The following USP31 variants were observed in gnomAD, a reference collection of about 807,000 sequenced individuals.
USP31 encodes ubiquitin specific peptidase 31.
A neutral mutation model predicts 119.4 loss-of-function variants in USP31; 44 were observed. That is an observed-to-expected ratio of 0.37 (90% CI 0.29 to 0.47). The LOEUF (loss-of-function observed/expected upper bound fraction) is 0.47, where lower values mean the gene tolerates loss of function less well. USP31 is among the 20% of genes least tolerant of loss of function. The pLI is 0.99. For synonymous variants in USP31, 749 were observed against 705.6 expected (o/e 1.06, Z -0.97); for missense variants, 1,643 against 1,730.2 (o/e 0.95, Z 0.89).
In USP31 at chr16:23,067,096, T is replaced by A. The variant is rs1448498672; in HGVS notation, c.*950A>T. On this transcript the variant is annotated 3_prime_UTR_variant, in exon 16 of 16. Coordinates refer to ENST00000219689, the MANE Select transcript of USP31 (RefSeq NM_020718.4). ...ACCTCTAACGGAAAAATGCAACACC[T>A]GACAAGGAAAATGATGTCCAGTCTT... 2 of 152,424 alleles carry A rather than the reference T, an allele frequency of 1.3e-5. No homozygotes were observed. The highest frequency in any genetic ancestry group is 2.9e-5 in the Non-Finnish European group (2 of 68,040). The allele number at this position is 152,424 out of a possible 1,614,324, so 9.4% of individuals were successfully genotyped here.
chr16:23,100,835 G>A (rs1901820966), intron 6 of USP31, among the ~76,000 whole-genome samples: 1 of 152,160 alleles, frequency 6.6e-6, no homozygotes, highest in African/African-American at 2.4e-5. Context: ...AACAAAGCAG[G>A]AGCTAACGAG....
chr16:23,136,383 C>T (rs1035957380), intron 1 of USP31, among the ~76,000 whole-genome samples: 1 of 152,090 alleles, frequency 6.6e-6, no homozygotes, highest in Non-Finnish European at 1.5e-5. Context: ...CTGGGCACGG[C>T]GGCTCACACC....
chr16:23,076,574 T>TG (rs1049993933), intron 13 of USP31, among the ~76,000 whole-genome samples: 97 of 152,326 alleles, frequency 6.4e-4, no homozygotes, highest in Middle Eastern at 3.4e-3. Context: ...AAGATGTGTC[T>TG]GGCTTCTAAC....
rs12102846 is a variant in USP31 at position 23,146,925 on chromosome 16, T to G, written c.633+1713A>C. Among the ~76,000 whole-genome samples, 1,391 of 151,088 alleles carry G rather than the reference T, an allele frequency of 9.2e-3. 16 individuals are homozygous for G. Among genetic ancestry groups the G allele is most frequent in the African/African-American group, 0.029 (1,205 of 41,046 alleles). On this transcript the variant is annotated intron_variant, in intron 1 of 15. Transcript: ENST00000219689. ...CATAACCTTATTAAATTCTAGCTAC[T>G]GTTACCTGCCAATGCTTCTAGACTT...
chr16:23,136,412 G>C (rs968807799), intron 1 of USP31, among the ~76,000 whole-genome samples: 5 of 152,194 alleles, frequency 3.3e-5, no homozygotes, highest in Admixed American at 1.3e-4. Context: ...CAGCACTCTG[G>C]GAGGCCGAGG....
intron 1 of USP31, among the ~76,000 whole-genome samples, chr16:23,113,029 A>C (rs550407149): frequency 1.1e-4 from 16 of 144,808 alleles, no homozygotes; most frequent in South Asian, 6.7e-4. Context: ...ACTCCGTCCC[A>C]AAAAAAAAAA....
chr16:23,085,572 T>C lies in USP31; in HGVS notation c.1700+13A>G. The C allele has an allele frequency of 1.2e-6, 2 of 1,609,654 alleles. No individual in the cohort carries two copies. Among genetic ancestry groups the C allele is most frequent in the Non-Finnish European group, 1.7e-6 (2 of 1,177,020 alleles). ...ACAATGTTTCTATAAACACTAACTT[T>C]AAAAATACTCACAAATCTCTTGTCT... On this transcript the variant is annotated intron_variant, in intron 10 of 15. Transcript: ENST00000219689.
At chr16:23,088,901 C>T (rs1048318780) in intron 7 of USP31, among the ~76,000 whole-genome samples, 16 of 152,132 alleles carry the variant, frequency 1.1e-4, no homozygotes, top group African/African-American at 3.6e-4. Context: ...CTGACTCAGG[C>T]CCAGAGGGAA....
chr16:23,078,205 G>A (rs904004092), intron 13 of USP31, among the ~76,000 whole-genome samples: 21 of 151,396 alleles, frequency 1.4e-4, no homozygotes, highest in African/African-American at 5.1e-4. Flanking sequence ...CCAGCTACTC[G>A]GGAGGCTGAG....
Position 23,068,672 on chromosome 16 carries a change from C to T in USP31, c.3433G>A (p.Gly1145Arg), listed in dbSNP as rs769005783. ...CTGTGGTCTGAAGTCCTGCTCTTCCCAGGTGGGAAAGGGCTCCTTGTGGCA... is the reference window on the plus strand; with the variant it reads ...CTGTGGTCTGAAGTCCTGCTCTTCCTAGGTGGGAAAGGGCTCCTTGTGGCA... ...GPATRSPFPP[G>R]KSRTSDHSLS... Residue 1145 changes from glycine (G) to arginine (R), a missense_variant, in exon 16 of 16, where the codon GGG (glycine) becomes AGG (arginine). Gly to Arg is a moderately radical substitution (Grantham distance 125). Transcript: ENST00000219689. The T allele has an allele frequency of 6.2e-7, 1 of 1,614,216 alleles. No homozygotes were observed. Among genetic ancestry groups the T allele is most frequent in the South Asian group, 1.1e-5 (1 of 91,088 alleles).
At chr16:23,097,633 A>C (rs1596707499) in intron 6 of USP31, among the ~76,000 whole-genome samples, 1 of 152,340 alleles carries the variant, frequency 6.6e-6, no homozygotes. Flanking sequence ...ACTATGATCA[A>C]GTTGGCTTCA....
intron 1 of USP31, among the ~76,000 whole-genome samples, chr16:23,140,457 G>C (rs1212920915): frequency 6.6e-6 from 1 of 152,168 alleles, no homozygotes; most frequent in Non-Finnish European, 1.5e-5. Context: ...AAAATAGCAA[G>C]AGTGCCAAGG....
chr16:23,129,341 CATATATGTGTACAT>C (rs1429378537), intron 1 of USP31, among the ~76,000 whole-genome samples: 1 of 152,072 alleles, frequency 6.6e-6, no homozygotes, highest in Non-Finnish European at 1.5e-5. Context: ...CAGTTGTACA[CATATATGTGTACAT>C]ATATATGTGT....
At chr16:23,078,723 C>T (rs1018017333) in intron 13 of USP31, among the ~76,000 whole-genome samples, 2 of 152,190 alleles carry the variant, frequency 1.3e-5, no homozygotes, top group East Asian at 1.9e-4. Flanking sequence ...CCAGGGCAAG[C>T]AGGATGTGAG....
At chr16:23,093,165 A>G (rs1596703314) in intron 6 of USP31, among the ~76,000 whole-genome samples, 1 of 152,320 alleles carries the variant, frequency 6.6e-6, no homozygotes, top group South Asian at 2.1e-4. Flanking sequence ...ATGAGCAACA[A>G]AAGAAAAAAC....
At chr16:23,103,785 T>A (rs904886326) in intron 5 of USP31, among the ~76,000 whole-genome samples, 8 of 152,000 alleles carry the variant, frequency 5.3e-5, no homozygotes, top group Non-Finnish European at 7.4e-5. Flanking sequence ...TGTGGTGGCA[T>A]GCGCCTACAG....
At chr16:23,073,969 A>T (rs1900455384) in intron 13 of USP31, 89 bp from the exon 14 acceptor site, 1 of 1,572,832 alleles carries the variant, frequency 6.4e-7, no homozygotes, top group Admixed American at 1.7e-5. Context: ...GGCTCATCTA[A>T]TTAACTCAAG....
At chr16:23,137,803 A>C (rs918337984) in intron 1 of USP31, among the ~76,000 whole-genome samples, 1 of 151,684 alleles carries the variant, frequency 6.6e-6, no homozygotes, top group South Asian at 2.1e-4. Flanking sequence ...AACAAACAAA[A>C]AAAAGAGTAG....
At position 23,130,031 on chromosome 16, in the gene USP31, G is replaced by C. The variant is rs142687977; in HGVS notation, c.633+18607C>G. On this transcript the variant is annotated intron_variant, in intron 1 of 15. Coordinates refer to ENST00000219689, the MANE Select transcript of USP31 (RefSeq NM_020718.4). ...TTACATACATTTCTCACCTATTCCT[G>C]ATTATCAGTCCTATGAAGAATGCAT... Among the ~76,000 whole-genome samples the C allele has an allele frequency of 9.3e-3, 1,414 of 152,260 alleles. 17 individuals are homozygous for C. The highest frequency in any genetic ancestry group is 0.03 in the African/African-American group (1,228 of 41,546).
Sources: allele counts gnomAD v4.1 joint callset (sites outside exome capture counted in the v4.1 genomes callset), GRCh38; gene constraint gnomAD v4.1.1; transcripts MANE v1.5; gene names NCBI Gene and HGNC (gene_info 2026-07-23, HGNC 2026-07-21).